The following CCDC183 variants were observed in gnomAD, a reference collection of about 807,000 sequenced individuals.
CCDC183 encodes coiled-coil domain containing 183.
Under a neutral mutation model 65.2 loss-of-function variants are expected in CCDC183, and 63 were observed. The ratio of observed to expected loss-of-function variants is 0.97; its 90% confidence interval spans 0.79 to 1.19. The LOEUF (loss-of-function observed/expected upper bound fraction) is 1.19, where lower values mean the gene tolerates loss of function less well. Among genes scored for constraint, CCDC183 ranks in the 50% most tolerant of loss-of-function variants. The pLI, the probability that CCDC183 is intolerant of heterozygous loss-of-function variation, is 0.00. For synonymous variants in CCDC183, 323 were observed against 276.5 expected (o/e 1.17, Z -1.67); for missense variants, 769 against 689.3 (o/e 1.12, Z -1.30).
chr9:136,806,824 C>T lies in CCDC183; in HGVS notation c.1346C>T (p.Thr449Met). Residue 449 changes from threonine (T) to methionine (M), a missense_variant, in exon 12 of 14, where the codon ACG (threonine) becomes ATG (methionine). Thr to Met is a moderately conservative substitution (Grantham distance 81). Coordinates refer to ENST00000338005, the MANE Select transcript of CCDC183 (RefSeq NM_001039374.5). ...SKLAYCEGKL[T>M]YLADRVQMVS... ...CTGGCGTACTGCGAGGGGAAGCTCA[C>T]GTACCTGGCTGACAGAGTGCAGATG... 1.2e-6 allele frequency: 2 copies of T among 1,613,628 alleles called. No homozygotes were observed. The highest frequency in any genetic ancestry group is 8.5e-7 in the Non-Finnish European group (1 of 1,180,008).
chr9:136,801,326 C>G lies in CCDC183; in HGVS notation c.543+833C>G, dbSNP rs566610949. 4.0e-5 allele frequency among the ~76,000 whole-genome samples: 6 copies of G among 151,800 alleles called. No homozygotes were observed. In the South Asian group the frequency reaches 1.2e-3, roughly 32 times the overall value. On this transcript the variant is annotated intron_variant, in intron 5 of 13. Transcript: ENST00000338005. ...CTTCCTGGGCCCACCCCTCTCCCCACCCCTGTCCATGCCCCTCCTTCGCCT... is the reference window on the plus strand; with the variant it reads ...CTTCCTGGGCCCACCCCTCTCCCCAGCCCTGTCCATGCCCCTCCTTCGCCT...
At chr9:136,802,173 T>C (rs1487224665) in intron 5 of CCDC183, among the ~76,000 whole-genome samples, 1 of 152,172 alleles carries the variant, frequency 6.6e-6, no homozygotes, top group Non-Finnish European at 1.5e-5. Context: ...ATAATTCCTT[T>C]TACACTCAAT....
intron 1 of CCDC183, among the ~76,000 whole-genome samples, chr9:136,796,804 AG>A (rs1035961972): frequency 2.5e-4 from 38 of 152,302 alleles, no homozygotes; most frequent in African/African-American, 9.1e-4. Flanking sequence ...TTGATTAACC[AG>A]GGACACAGTG....
Position 136,806,602 on chromosome 9 carries a change from T to C in CCDC183, c.1208T>C (p.Leu403Pro), listed in dbSNP as rs374767551. The C allele has an allele frequency of 1.2e-6, 2 of 1,613,796 alleles. No homozygotes were observed. The highest frequency in any genetic ancestry group is 1.7e-6 in the Non-Finnish European group (2 of 1,180,034). The part of the protein sequence containing the change: ...HSNMTKGQEL[L>P]LTIQMGIDNL... ...AACATGACCAAGGGCCAGGAGCTGC[T>C]GCTGACCATCCAGATGGGCATCGAC... The change falls in exon 11 of 14, where the codon CTG (leucine) becomes CCG (proline). Residue 403 changes from leucine (L) to proline (P), a missense_variant. By Grantham distance (98) the Leu-to-Pro change is moderately conservative. Transcript: ENST00000338005.
In CCDC183 at chr9:136,804,453, G is replaced by A. The variant is rs559728509; in HGVS notation, c.667-49G>A. ...CCCGCTGGCTTTACTGCCATTAGGGGCCTTGTTGAGACAGCTCCCCAACCC... is the reference window on the plus strand; with the variant it reads ...CCCGCTGGCTTTACTGCCATTAGGGACCTTGTTGAGACAGCTCCCCAACCC... On this transcript the variant is annotated intron_variant, in intron 6 of 13. Transcript: ENST00000338005. This position sits in a 1 kb window ranked among gnomAD's most constrained non-coding sequence, Gnocchi z 4.1. 2.3e-5 allele frequency: 37 copies of A among 1,588,480 alleles called. No homozygotes were observed. Among genetic ancestry groups the A allele is most frequent in the South Asian group, 6.8e-5 (6 of 88,762 alleles).
Position 136,800,503 on chromosome 9 carries a change from G to A in CCDC183, c.543+10G>A, listed in dbSNP as rs1285469419. On this transcript the variant is annotated intron_variant, in intron 5 of 13. Transcript: ENST00000338005. ...GGATTATCTGAAGACAGTGAGCCCAGCGGCCCGGGAAGGGCGGGGGTCAGG... is the reference window on the plus strand; with the variant it reads ...GGATTATCTGAAGACAGTGAGCCCAACGGCCCGGGAAGGGCGGGGGTCAGG... 6.3e-7 allele frequency: 1 copy of A among 1,596,622 alleles called. No individual in the cohort carries two copies.
rs543784047 is a variant in CCDC183 at position 136,803,287 on chromosome 9, C to G, written c.666+501C>G. ...GTGAGCTCAGGGCCCAGGGCTGGGG[C>G]CCCCCAGGGCGGGCTCTCTTGTGTC... On this transcript the variant is annotated intron_variant, in intron 6 of 13. Transcript: ENST00000338005. 2.9e-3 allele frequency among the ~76,000 whole-genome samples: 414 copies of G among 142,016 alleles called. 84 individuals carry two copies. Among genetic ancestry groups the G allele is most frequent in the East Asian group, 0.021 (90 of 4,382 alleles). The allele number at this position is 142,016 out of a possible 152,430, so 93.2% of individuals were successfully genotyped here. A position where few individuals can be genotyped will look rare whatever the true frequency, so the allele number is the denominator to read the frequency against.
At chr9:136,799,863 G>C (rs1012979606) in intron 3 of CCDC183, 73 bp downstream of exon 3, 1 of 1,524,548 alleles carries the variant, frequency 6.6e-7, no homozygotes, top group Admixed American at 1.9e-5. Context: ...AGATGTTGCG[G>C]AGCCGACGAG....
chr9:136,806,870 A>G lies in CCDC183; in HGVS notation c.1389+3A>G. The G allele has an allele frequency of 1.2e-6, 2 of 1,613,252 alleles. No individual in the cohort carries two copies. Among genetic ancestry groups the G allele is most frequent in the Non-Finnish European group, 1.7e-6 (2 of 1,179,932 alleles). ...AGATGGTGTCCAGGACCGAGGAGGT[A>G]GCCCCGGGCTGGGAGGAACCTGCAC... On this transcript the variant is annotated splice_donor_region_variant and intron_variant, in intron 12 of 13. Coordinates refer to ENST00000338005, the MANE Select transcript of CCDC183 (RefSeq NM_001039374.5).
chr9:136,807,467 C>A, intron 13 of CCDC183, 105 bp from the exon 14 acceptor site: 1 of 1,381,848 alleles, frequency 7.2e-7, no homozygotes, highest in Non-Finnish European at 9.6e-7. Flanking sequence ...GTCCCTGGGG[C>A]AAGGCACCTG....
chr9:136,802,678 C>A lies in CCDC183; in HGVS notation c.558C>A (p.Tyr186Ter). The A allele has an allele frequency of 6.2e-7, 1 of 1,612,114 alleles. No individual in the cohort carries two copies. Among genetic ancestry groups the A allele is most frequent in the East Asian group, 2.2e-5 (1 of 44,852 alleles). Residue 186 changes from tyrosine (Y) to a stop codon, truncating the protein, a stop_gained, in exon 6 of 14, where the codon TAC becomes TAA. Coordinates refer to ENST00000338005, the MANE Select transcript of CCDC183 (RefSeq NM_001039374.5). LOFTEE classifies it high-confidence loss of function. Reference sequence around the variant, plus strand: ...ATTCAACACAGGTGCTGGCAGGATACCCCATTGAGCTGGACAAGCTGCAGA... The same window carrying A: ...ATTCAACACAGGTGCTGGCAGGATAACCCATTGAGCTGGACAAGCTGCAGA... The part of the protein sequence containing the change: ...LDYLKTVLAG[Y>*]PIELDKLQNL...
rs770933188 is a variant in CCDC183 at position 136,804,051 on chromosome 9, G to C, written c.667-451G>C. 1 of 184,230 alleles carries C rather than the reference G, an allele frequency of 5.4e-6. No homozygotes were observed. The highest frequency in any genetic ancestry group is 1.2e-5 in the Non-Finnish European group (1 of 86,772). 11.4% of individuals were successfully genotyped at this position (184,230 alleles called of 1,614,324 possible). On this transcript the variant is annotated intron_variant, in intron 6 of 13. Transcript: ENST00000338005. This position sits in a 1 kb window ranked among gnomAD's most constrained non-coding sequence, Gnocchi z 4.1. Reference sequence around the variant, plus strand: ...AGCAACGGAGCTGAGAACTCCTCAAGAGGCAACCCCACTAAGCGCTGGCAA... The same window carrying C: ...AGCAACGGAGCTGAGAACTCCTCAACAGGCAACCCCACTAAGCGCTGGCAA...
At chr9:136,799,311 A>C in intron 2 of CCDC183, 88 bp downstream of exon 2, 1 of 1,478,326 alleles carries the variant, frequency 6.8e-7, no homozygotes, top group Non-Finnish European at 9.0e-7. Context: ...CCTCCTCTCC[A>C]CCCCCACCCC....
In CCDC183 at chr9:136,806,010, G is replaced by C. The variant is rs1252613991; in HGVS notation, c.949-68G>C. ...TCTAGGAGGGGCCCAGAAGAAACCA[G>C]TTCTGTGAAGCCCCCTCTGCCCACC... On this transcript the variant is annotated intron_variant, in intron 9 of 13. Transcript: ENST00000338005. 3.0e-6 allele frequency: 4 copies of C among 1,354,136 alleles called. No homozygotes were observed. The African/African-American group carries it at 5.9e-5, about 20-fold the overall frequency. The allele number at this position is 1,354,136 out of a possible 1,614,324, so 83.9% of individuals were successfully genotyped here.
At position 136,806,939 on chromosome 9, in the gene CCDC183, CTGCACGGCTGAAGGGGGCTT is replaced by C; in HGVS notation, c.1390-27_1390-8del. On this transcript the variant is annotated splice_polypyrimidine_tract_variant and intron_variant, in intron 12 of 13. Transcript: ENST00000338005. Reference sequence around the variant, plus strand: ...GCTGACAGGCTCCCGTTCAGAGTGTCTGCACGGCTGAAGGGGGCTTTGCCCTGCAGGGCGACACAAAGGTG... The same window carrying C: ...GCTGACAGGCTCCCGTTCAGAGTGTCTGCCCTGCAGGGCGACACAAAGGTG... The C allele has an allele frequency of 6.2e-7, 1 of 1,613,504 alleles. No individual in the cohort carries two copies. Among genetic ancestry groups the C allele is most frequent in the Non-Finnish European group, 8.5e-7 (1 of 1,180,012 alleles).
chr9:136,799,390 C>T, intron 2 of CCDC183, 167 bp downstream of exon 2: 2 of 1,153,654 alleles, frequency 1.7e-6, no homozygotes, highest in Non-Finnish European at 2.4e-6. Flanking sequence ...GCTCCAGTCA[C>T]CCCAGCATCC....
intron 4 of CCDC183, 97 bp from the exon 5 acceptor site, chr9:136,800,292 C>A: frequency 6.9e-7 from 1 of 1,446,506 alleles, no homozygotes; most frequent in Non-Finnish European, 9.3e-7. Context: ...AGGGGCGGGG[C>A]TAAGAGAGCA....
In CCDC183 at chr9:136,800,409, C is replaced by G. The variant is rs1389112641; in HGVS notation, c.459C>G (p.Asn153Lys). The G allele has an allele frequency of 6.2e-7, 1 of 1,611,716 alleles. No individual in the cohort carries two copies. The highest frequency in any genetic ancestry group is 1.3e-5 in the African/African-American group (1 of 74,908). The change falls in exon 5 of 14, where the codon AAC (asparagine) becomes AAG (lysine). Residue 153 changes from asparagine to lysine, a missense_variant. By Grantham distance (94) the Asn-to-Lys change is moderately conservative. Coordinates refer to ENST00000338005, the MANE Select transcript of CCDC183 (RefSeq NM_001039374.5). ...CCCAGATCATCCGCCAGCTGGAGAA[C>G]AACATCGAGAAGACAATGATCAAGA... Reference protein sequence around the residue: ...RLLQIIRQLENNIEKTMIKII... With the variant: ...RLLQIIRQLEKNIEKTMIKII...
Position 136,804,621 on chromosome 9 carries a change from C to T in CCDC183, c.786C>T (p.Tyr262=), listed in dbSNP as rs200074605. 2 of 1,613,694 alleles carry T rather than the reference C, an allele frequency of 1.2e-6. No homozygotes were observed. Among genetic ancestry groups the T allele is most frequent in the Admixed American group, 3.3e-5 (2 of 60,018 alleles). The change falls in exon 7 of 14, where the codon TAC becomes TAT. Residue 262 remains tyrosine (Y), a synonymous_variant. Transcript: ENST00000338005. This position sits in a 1 kb window ranked among gnomAD's most constrained non-coding sequence, Gnocchi z 4.1. The part of the protein sequence containing the change: ...KIHTKETSEK[Y]RRGQMDLDFP... ...ACACGAAGGAGACCAGCGAGAAGTA[C>T]CGCCGGGTAAGCCCCAGGCCAGGGC... is the stretch of plus-strand genomic sequence containing the variant.
Sources: gnomAD v4.1 joint callset for allele counts (sites outside exome capture counted in the v4.1 genomes callset) on GRCh38, gnomAD v4.1.1 for gene constraint, Gnocchi (gnomAD v3.1) non-coding constraint, MANE v1.5 for transcripts, NCBI Gene and HGNC (gene_info 2026-07-23, HGNC 2026-07-21) for gene names.